GNB1: variants seen among roughly 807,000 people sequenced by gnomAD.
The protein encoded by GNB1 is guanine nucleotide-binding protein G(I)/G(S)/G(T) subunit beta-1.
Under a neutral mutation model 42.9 loss-of-function variants are expected in GNB1, and 2 were observed. The observed-to-expected ratio is 0.05, with a 90% CI of 0.02 to 0.15. The LOEUF (loss-of-function observed/expected upper bound fraction) is 0.15, where lower values mean the gene tolerates loss of function less well. GNB1 is among the 10% of genes least tolerant of loss of function. The pLI, the probability that GNB1 is intolerant of heterozygous loss-of-function variation, is 1.00. For missense variants in GNB1, 193 were observed against 462.2 expected (o/e 0.42, Z 5.34); for synonymous variants, 183 against 174.7 (o/e 1.05, Z -0.38).
chr1:1,840,705 C>T (rs1409920241), intron 1 of GNB1, among the ~76,000 whole-genome samples: 1 of 152,246 alleles, frequency 6.6e-6, no homozygotes, highest in African/African-American at 2.4e-5. Context: ...TGTTGGGACA[C>T]TTCCAATCCC....
chr1:1,875,808 C>A (rs1296108352), intron 1 of GNB1, among the ~76,000 whole-genome samples: 2 of 148,210 alleles, frequency 1.3e-5, no homozygotes, highest in African/African-American at 5.0e-5. Flanking sequence ...AAGGATGAAG[C>A]TCTAGGAACT....
intron 1 of GNB1, among the ~76,000 whole-genome samples, chr1:1,859,195 T>C (rs1194153429): frequency 1.3e-5 from 2 of 152,010 alleles, no homozygotes; most frequent in Admixed American, 6.6e-5. Context: ...CTAATTTTTA[T>C]ATTATTAGTA....
intron 1 of GNB1, among the ~76,000 whole-genome samples, chr1:1,876,492 C>CGAGAGAGAGAGAGAGAGAGAGAGAGA (rs35226472): frequency 3.4e-5 from 5 of 147,830 alleles, no homozygotes; most frequent in African/African-American, 1.3e-4. Context: ...CATGTGCACA[C>CGAGAGAGAGAGAGAGAGAGAGAGAGA]GAGAGAGAGA....
chr1:1,811,889 C>A (rs933079239), intron 5 of GNB1, among the ~76,000 whole-genome samples: 1 of 151,054 alleles, frequency 6.6e-6, no homozygotes, highest in Middle Eastern at 3.5e-3. Context: ...CATGGTGAAA[C>A]CCTGTCTCTA....
At chr1:1,876,953 A>G (rs1649577347) in intron 1 of GNB1, among the ~76,000 whole-genome samples, 1 of 152,178 alleles carries the variant, frequency 6.6e-6, no homozygotes, top group South Asian at 2.1e-4. Flanking sequence ...ATGTTTTCCA[A>G]GATGAATGAC....
intron 1 of GNB1, among the ~76,000 whole-genome samples, chr1:1,859,183 G>T (rs1360943407): frequency 6.6e-6 from 1 of 151,866 alleles, no homozygotes; most frequent in Non-Finnish European, 1.5e-5. Context: ...CACAAAGCCC[G>T]GCTAATTTTT....
chr1:1,790,656 G>T lies in GNB1; in HGVS notation c.498-60C>A. 2 of 1,176,226 alleles carry T rather than the reference G, an allele frequency of 1.7e-6. No homozygotes were observed. Among genetic ancestry groups the T allele is most frequent in the Non-Finnish European group, 1.3e-6 (1 of 792,100 alleles). The allele number at this position is 1,176,226 out of a possible 1,614,324, so 72.9% of individuals were successfully genotyped here. ...CTTAACTTCTTGGGTGGCTAGTCAT[G>T]TGACAGACAATCTGTCCTTCAAACC... is the stretch of plus-strand genomic sequence containing the variant. On this transcript the variant is annotated intron_variant, in intron 8 of 11. Transcript: ENST00000378609. The surrounding 1 kb of genome is among the most constrained non-coding windows in gnomAD (Gnocchi z 5.4).
chr1:1,853,916 G>A (rs1056833248), intron 1 of GNB1, among the ~76,000 whole-genome samples: 10 of 152,128 alleles, frequency 6.6e-5, no homozygotes, highest in African/African-American at 2.4e-4. Flanking sequence ...TAGGATAGAA[G>A]TGTCAATTGT....
At chr1:1,888,634 T>TG (rs1650291546) in intron 1 of GNB1, among the ~76,000 whole-genome samples, 1 of 152,140 alleles carries the variant, frequency 6.6e-6, no homozygotes, top group Non-Finnish European at 1.5e-5. Flanking sequence ...GGTCTGGAGT[T>TG]GGAGACCAGC....
chr1:1,812,068 A>AAAAAAAACAAAAC (rs1553195432), intron 5 of GNB1, among the ~76,000 whole-genome samples: 2 of 151,884 alleles, frequency 1.3e-5, no homozygotes, highest in Admixed American at 6.6e-5. Flanking sequence ...TCCGTCTCAA[A>AAAAAAAACAAAAC]AAAAAAAACC....
chr1:1,838,129 G>A (rs1348927618), intron 2 of GNB1, among the ~76,000 whole-genome samples: 7 of 152,066 alleles, frequency 4.6e-5, no homozygotes, highest in Non-Finnish European at 1.0e-4. Context: ...CTTGAACCTG[G>A]GAGGGGGAGG....
chr1:1,818,989 C>T (rs551057146), intron 3 of GNB1, among the ~76,000 whole-genome samples: 4 of 152,296 alleles, frequency 2.6e-5, no homozygotes, highest in East Asian at 3.9e-4. Context: ...TGGCTGTTCT[C>T]GTTGCTCATC....
chr1:1,885,530 A>G (rs1209046566), intron 1 of GNB1, among the ~76,000 whole-genome samples: 1 of 151,526 alleles, frequency 6.6e-6, no homozygotes, highest in African/African-American at 2.4e-5. Flanking sequence ...AGACATAAAT[A>G]AGGAAATACT....
At chr1:1,812,494 G>A (rs530753990) in intron 5 of GNB1, among the ~76,000 whole-genome samples, 1 of 151,752 alleles carries the variant, frequency 6.6e-6, no homozygotes, top group Admixed American at 6.6e-5. Flanking sequence ...AGAAAAAAAC[G>A]GCTATTTACA....
chr1:1,880,859 G>A (rs1649805353), intron 1 of GNB1, among the ~76,000 whole-genome samples: 1 of 152,176 alleles, frequency 6.6e-6, no homozygotes, highest in South Asian at 2.1e-4. Context: ...CTGGTCTGCA[G>A]TGAACCAGAC....
intron 1 of GNB1, among the ~76,000 whole-genome samples, chr1:1,845,819 G>T (rs1437471930): frequency 2.6e-5 from 3 of 115,224 alleles, no homozygotes; most frequent in Admixed American, 8.8e-5. Context: ...TTGTGTGTAA[G>T]TCCATACACA....
At chr1:1,820,348 ACT>A (rs374698193) in intron 3 of GNB1, among the ~76,000 whole-genome samples, 2,117 of 129,752 alleles carry the variant, frequency 0.016, 58 homozygotes, top group African/African-American at 0.058. Flanking sequence ...ACAGAGCGAG[ACT>A]CTGTTTAAAA....
chr1:1,862,674 G>C (rs1648699880), intron 1 of GNB1, among the ~76,000 whole-genome samples: 1 of 151,768 alleles, frequency 6.6e-6, no homozygotes, highest in Admixed American at 6.6e-5. Context: ...TGCCTAGGCT[G>C]GTCTCCAGCT....
At chr1:1,879,135 G>A (rs1057471718) in intron 1 of GNB1, among the ~76,000 whole-genome samples, 8 of 152,118 alleles carry the variant, frequency 5.3e-5, no homozygotes, top group Non-Finnish European at 8.8e-5. Flanking sequence ...ACTGCACATG[G>A]GGGCAGGGAC....
Sources: allele counts gnomAD v4.1 joint callset (sites outside exome capture counted in the v4.1 genomes callset), GRCh38; gene constraint gnomAD v4.1.1; non-coding constraint Gnocchi (gnomAD v3.1); transcripts MANE v1.5; gene names NCBI Gene and HGNC (gene_info 2026-07-23, HGNC 2026-07-21).